Variants in SCN11A observed in about 807,000 individuals in gnomAD.
SCN11A encodes the protein sodium channel protein type 11 subunit alpha.
In SCN11A, 122 loss-of-function variants were observed where a neutral mutation model predicts 162.2. The observed-to-expected ratio is 0.75, with a 90% CI of 0.65 to 0.87. The LOEUF (loss-of-function observed/expected upper bound fraction) is 0.87. Among genes scored for constraint, SCN11A ranks in the 40% least tolerant of loss-of-function variants. The probability of loss-of-function intolerance (pLI) is 0.00; values close to 1 mark genes in which losing one functional copy is unlikely to be tolerated. For missense variants in SCN11A, 2,015 were observed against 2,181.6 expected (o/e 0.92, Z 1.52); for synonymous variants, 758 against 751.5 (o/e 1.01, Z -0.14).
At chr3:38,848,104 T>A (rs548707103) in intron 29 of SCN11A, among the ~76,000 whole-genome samples, 1 of 152,322 alleles carries the variant, frequency 6.6e-6, no homozygotes, top group African/African-American at 2.4e-5. Context: ...GGATCTTTCA[T>A]AATTGTCATC....
rs537719658 is a variant in SCN11A, at chr3:38,874,249, T to G, written c.3394-1955A>C. On this transcript the variant is annotated intron_variant, in intron 23 of 29. Transcript: ENST00000302328. ...TATCGATGTTATCCAACTTTAAAAT[T>G]TTTGCCATGGCATTTTCCTATATCC... 1.7e-3 allele frequency among the ~76,000 whole-genome samples: 264 copies of G among 152,222 alleles called. 1 individual carries two copies. The highest frequency in any genetic ancestry group is 6.0e-3 in the African/African-American group (250 of 41,538).
At position 38,910,134 on chromosome 3, in the gene SCN11A, A is replaced by G. The variant is rs2065865867; in HGVS notation, c.1033T>C (p.Phe345Leu). 1.2e-6 allele frequency: 2 copies of G among 1,613,974 alleles called. No homozygotes were observed. Among genetic ancestry groups the G allele is most frequent in the East Asian group, 2.2e-5 (1 of 44,868 alleles). ...PDYNYTNFDN[F>L]GWSFLAMFRL... ...AACATGGCAAGAAAAGACCAGCCAA[A>G]GTTGTCAAAATTCGTATAATTATAG... Residue 345 changes from phenylalanine to leucine, a missense_variant, in exon 12 of 30, where the codon TTT becomes CTT. Phe to Leu is a conservative substitution (Grantham distance 22). Transcript: ENST00000302328.
intron 14 of SCN11A, among the ~76,000 whole-genome samples, chr3:38,907,468 TG>T (rs2065818905): frequency 6.6e-6 from 1 of 151,684 alleles, no homozygotes; most frequent in African/African-American, 2.4e-5. Flanking sequence ...GCATCTTCAT[TG>T]GTTACCTTCC....
chr3:38,858,375 A>G (rs1393958961), intron 28 of SCN11A, among the ~76,000 whole-genome samples: 6 of 152,178 alleles, frequency 3.9e-5, no homozygotes, highest in Non-Finnish European at 1.5e-5. Flanking sequence ...CTATTCTTAC[A>G]TCAGACAAAA....
At chr3:38,858,643 A>G (rs1290947276) in intron 28 of SCN11A, among the ~76,000 whole-genome samples, 1 of 152,174 alleles carries the variant, frequency 6.6e-6, no homozygotes, top group Non-Finnish European at 1.5e-5. Flanking sequence ...GACTTAAACT[A>G]TACCCTAGAA....
intron 1 of SCN11A, among the ~76,000 whole-genome samples, chr3:39,035,639 C>T (rs1319604231): frequency 6.6e-6 from 1 of 151,872 alleles, no homozygotes; most frequent in African/African-American, 2.4e-5. Context: ...TACTGATCAA[C>T]ATGGAAGGTT....
chr3:38,989,966 T>C (rs763210946), intron 2 of SCN11A, among the ~76,000 whole-genome samples: 2 of 151,986 alleles, frequency 1.3e-5, no homozygotes, highest in African/African-American at 4.8e-5. Flanking sequence ...ACAGCTGTCA[T>C]CTTTCTCTTC....
At chr3:38,922,908 A>G (rs1326570819) in intron 9 of SCN11A, among the ~76,000 whole-genome samples, 1 of 152,108 alleles carries the variant, frequency 6.6e-6, no homozygotes, top group Non-Finnish European at 1.5e-5. Flanking sequence ...TGCCAAAGCC[A>G]CTGATAGAAG....
At chr3:39,025,908 A>C (rs920454083) in intron 2 of SCN11A, 3 of 152,134 alleles carry the variant, frequency 2.0e-5, no homozygotes, top group East Asian at 1.9e-4. Context: ...TATTGCTATT[A>C]TTTCTTTCTT....
At chr3:38,972,876 GA>G (rs2066824735) in intron 2 of SCN11A, among the ~76,000 whole-genome samples, 1 of 152,194 alleles carries the variant, frequency 6.6e-6, no homozygotes, top group African/African-American at 2.4e-5. Flanking sequence ...GCCAAAGGGA[GA>G]AGAGGCAGGC....
At chr3:38,977,660 C>T (rs961503091) in intron 2 of SCN11A, among the ~76,000 whole-genome samples, 1 of 152,152 alleles carries the variant, frequency 6.6e-6, no homozygotes, top group African/African-American at 2.4e-5. Context: ...CCTTTCCAGA[C>T]TCATTTCCCA....
intron 7 of SCN11A, among the ~76,000 whole-genome samples, chr3:38,943,219 T>C (rs1010090698): frequency 6.3e-4 from 96 of 152,246 alleles, no homozygotes; most frequent in African/African-American, 2.1e-3. Flanking sequence ...TACAAAAATA[T>C]AGTATCATAC....
intron 2 of SCN11A, among the ~76,000 whole-genome samples, chr3:38,978,052 T>C (rs549600144): frequency 6.6e-6 from 1 of 152,214 alleles, no homozygotes. Context: ...TTCTGCAATA[T>C]TGCAACTACC....
Position 38,905,196 on chromosome 3 carries a change from C to T in SCN11A, c.1599G>A (p.Met533Ile), listed in dbSNP as rs769224387. 3.3e-5 allele frequency: 53 copies of T among 1,613,888 alleles called. No homozygotes were observed. The Admixed American group carries it at 5.3e-4, about 16-fold the overall frequency. The change falls in exon 15 of 30, where the codon ATG becomes ATA. Residue 533 changes from methionine to isoleucine, a missense_variant. Coordinates refer to ENST00000302328, the MANE Select transcript of SCN11A (RefSeq NM_001349253.2). ...LSAVSILTIT[M>I]KEQEKSQEPC... The stretch of plus-strand genomic sequence containing the variant: ...GGATTGGGATGTGGAACTTACCCTT[C>T]ATGGTGATGGTGAGGATGCTGACAG...
At chr3:38,909,935 G>T in intron 12 of SCN11A, 131 bp downstream of exon 12, 3 of 929,902 alleles carry the variant, frequency 3.2e-6, no homozygotes, top group Admixed American at 5.7e-5. Context: ...TGTTAAAGAT[G>T]AGACAGATGA....
In SCN11A at chr3:38,870,722, T is replaced by TCCATC. The variant is rs751019052; in HGVS notation, c.3777_3781dup (p.Asp1261GlyfsTer31). 2 of 1,613,458 alleles carry TCCATC rather than the reference T, an allele frequency of 1.2e-6. No individual in the cohort carries two copies. Among genetic ancestry groups the TCCATC allele is most frequent in the Non-Finnish European group, 1.7e-6 (2 of 1,179,510 alleles). ...GGAATCAACAGCTGCATATATAATA[T>TCCATC]CCATCCAGCCCTTAAATGTTGCCTG... On this transcript the variant is annotated frameshift_variant, in exon 26 of 30. Coordinates refer to ENST00000302328, the MANE Select transcript of SCN11A (RefSeq NM_001349253.2). LOFTEE classifies it high-confidence loss of function.
chr3:38,981,559 G>A (rs2030058833), intron 2 of SCN11A, among the ~76,000 whole-genome samples: 1 of 151,590 alleles, frequency 6.6e-6, no homozygotes, highest in Non-Finnish European at 1.5e-5. Flanking sequence ...GTGTGTGTGT[G>A]TGTGTGTGTA....
intron 14 of SCN11A, among the ~76,000 whole-genome samples, 166 bp from the exon 15 acceptor site, chr3:38,905,487 C>T (rs939009140): frequency 9.2e-5 from 14 of 152,340 alleles, no homozygotes; most frequent in African/African-American, 3.4e-4. Flanking sequence ...TTTCTTATTT[C>T]ATGTTTAACA....
In SCN11A at chr3:38,950,291, CAG is replaced by C. The variant is rs1437845927; in HGVS notation, c.70_71del (p.Leu24GlyfsTer4). The C allele has an allele frequency of 1.9e-6, 3 of 1,613,982 alleles. No homozygotes were observed. The highest frequency in any genetic ancestry group is 2.2e-5 in the East Asian group (1 of 44,876). ...RNFRPFTSDS[L>X]AAIEKRIAIQ... ...TGGCAATCCGCTTCTCAATTGCAGC[CAG>C]AGAGTCGGAAGTGAAGGGGCGGAAA... is the stretch of plus-strand genomic sequence containing the variant. On this transcript the variant is annotated frameshift_variant, in exon 5 of 30. Coordinates refer to ENST00000302328, the MANE Select transcript of SCN11A (RefSeq NM_001349253.2). LOFTEE classifies it high-confidence loss of function.
Sources: allele counts gnomAD v4.1 joint callset (sites outside exome capture counted in the v4.1 genomes callset), GRCh38; gene constraint gnomAD v4.1.1; transcripts MANE v1.5; gene names NCBI Gene and HGNC (gene_info 2026-07-23, HGNC 2026-07-21).